The following ADGRL2 variants were observed in gnomAD, a reference collection of about 807,000 sequenced individuals.
The protein encoded by ADGRL2 is adhesion G protein-coupled receptor L2.
ADGRL2 carries 44 observed loss-of-function variants against 157.4 expected under a neutral mutation model. The observed-to-expected ratio is 0.28, with a 90% CI of 0.22 to 0.36. The LOEUF (loss-of-function observed/expected upper bound fraction) is 0.36. Among genes scored for constraint, ADGRL2 ranks in the 10% least tolerant of loss-of-function variants. The pLI is 1.00. For synonymous variants in ADGRL2, 585 were observed against 624.7 expected, an observed-to-expected ratio of 0.94 and a Z score of 0.95; for missense variants, 1,510 against 1,768.9, an observed-to-expected ratio of 0.85 and a Z score of 2.63.
chr1:81,514,297 T>C (rs1484901191), intron 2 of ADGRL2, among the ~76,000 whole-genome samples: 4 of 152,138 alleles, frequency 2.6e-5, no homozygotes, highest in Non-Finnish European at 5.9e-5. Flanking sequence ...TCAGAGATTA[T>C]GTGGGGTAGT....
At chr1:81,348,193 C>T (rs1662617568) in intron 1 of ADGRL2, among the ~76,000 whole-genome samples, 1 of 152,076 alleles carries the variant, frequency 6.6e-6, no homozygotes, top group Non-Finnish European at 1.5e-5. Flanking sequence ...AGAGGATTAC[C>T]CCCAAGCCTT....
chr1:81,509,372 TAA>T (rs113097084), intron 2 of ADGRL2, among the ~76,000 whole-genome samples: 1 of 144,530 alleles, frequency 6.9e-6, no homozygotes, highest in Non-Finnish European at 1.5e-5. Flanking sequence ...AGTGATATGG[TAA>T]AAAAAAAAAA....
chr1:81,850,665 A>G (rs116163808), intron 2 of ADGRL2, among the ~76,000 whole-genome samples: 1 of 151,888 alleles, frequency 6.6e-6, no homozygotes, highest in Non-Finnish European at 1.5e-5. Flanking sequence ...TTCTAATCTA[A>G]ACAGGAATCC....
chr1:81,421,278 G>A (rs1307136041), intron 1 of ADGRL2, among the ~76,000 whole-genome samples: 3 of 152,072 alleles, frequency 2.0e-5, no homozygotes, highest in Non-Finnish European at 4.4e-5. Context: ...TTTTACTATT[G>A]ATCCTCATCT....
chr1:81,750,120 G>C (rs1571066642), intron 1 of ADGRL2, among the ~76,000 whole-genome samples: 1 of 152,174 alleles, frequency 6.6e-6, no homozygotes, highest in East Asian at 1.9e-4. Context: ...TAGCAGACAA[G>C]CTTTTTCAAA....
At chr1:81,758,638 G>A (rs1246624482) in intron 1 of ADGRL2, among the ~76,000 whole-genome samples, 5 of 152,248 alleles carry the variant, frequency 3.3e-5, no homozygotes, top group East Asian at 1.9e-4. Flanking sequence ...AATCTGTGGC[G>A]TGGTTCTATC....
chr1:81,363,150 T>C (rs1557629072), intron 1 of ADGRL2, among the ~76,000 whole-genome samples: 3 of 152,012 alleles, frequency 2.0e-5, no homozygotes, highest in African/African-American at 7.2e-5. Context: ...ATTAGTCACA[T>C]AAAAAAAGTT....
intron 10 of ADGRL2, among the ~76,000 whole-genome samples, chr1:81,954,055 C>CT (rs1652686853): frequency 6.6e-6 from 1 of 152,044 alleles, no homozygotes; most frequent in African/African-American, 2.4e-5. Flanking sequence ...TGAAAGTCCC[C>CT]TTTTAGCCTG....
chr1:81,486,109 T>C (rs536730063), intron 2 of ADGRL2, among the ~76,000 whole-genome samples: 12 of 152,268 alleles, frequency 7.9e-5, no homozygotes, highest in African/African-American at 2.9e-4. Flanking sequence ...GTAAGAGGAG[T>C]TTGGTTTTCA....
chr1:81,865,241 G>T (rs2093506497), intron 2 of ADGRL2, among the ~76,000 whole-genome samples: 1 of 152,132 alleles, frequency 6.6e-6, no homozygotes, highest in Admixed American at 6.6e-5. Context: ...TGTTGACAAA[G>T]CTAGTTGTGA....
intron 1 of ADGRL2, among the ~76,000 whole-genome samples, chr1:81,827,318 T>A (rs1166580609): frequency 6.6e-6 from 1 of 152,088 alleles, no homozygotes; most frequent in Non-Finnish European, 1.5e-5. Context: ...ATTTCAAGAG[T>A]TTGAAGCCAC....
At chr1:81,698,525 A>G (rs2083491205), upstream of ADGRL2, among the ~76,000 whole-genome samples, 1 of 152,306 alleles carries the variant, frequency 6.6e-6, no homozygotes, top group East Asian at 1.9e-4. Flanking sequence ...CAAAGGCAAT[A>G]TTTTGTAAGA....
At chr1:81,791,345 G>C (rs982996160) in intron 2 of ADGRL2, among the ~76,000 whole-genome samples, 4 of 152,078 alleles carry the variant, frequency 2.6e-5, no homozygotes, top group Admixed American at 6.6e-5. Flanking sequence ...TGGGTAATTG[G>C]TACAAAATGG....
intron 3 of ADGRL2, among the ~76,000 whole-genome samples, chr1:81,598,752 G>A (rs934022758): frequency 6.6e-6 from 1 of 152,208 alleles, no homozygotes; most frequent in African/African-American, 2.4e-5. Flanking sequence ...CACATCAGTG[G>A]CACTCACGCC....
At chr1:81,746,646 T>A (rs2085255469) in intron 1 of ADGRL2, among the ~76,000 whole-genome samples, 1 of 152,144 alleles carries the variant, frequency 6.6e-6, no homozygotes, top group Admixed American at 6.5e-5. Flanking sequence ...CCTCTGAGAA[T>A]GAATTAGAAA....
chr1:81,964,707 G>A (rs1418084586), intron 11 of ADGRL2, among the ~76,000 whole-genome samples: 3 of 152,060 alleles, frequency 2.0e-5, no homozygotes, highest in African/African-American at 4.8e-5. Context: ...AAAGGGGATT[G>A]TAGGTGAATA....
At chr1:81,989,524 T>C (rs752125990) in intron 23 of ADGRL2, 4 of 629,638 alleles carry the variant, frequency 6.4e-6, no homozygotes, top group Non-Finnish European at 1.1e-5. Flanking sequence ...ATAATAAATA[T>C]TAAATGAAAA....
At chr1:81,699,582 A>G (rs1210135176), upstream of ADGRL2, among the ~76,000 whole-genome samples, 1 of 152,208 alleles carries the variant, frequency 6.6e-6, no homozygotes, top group African/African-American at 2.4e-5. Flanking sequence ...AACTTTTAAA[A>G]TGTACCTGGC....
chr1:81,334,892 G>C (rs1661523496), intron 1 of ADGRL2, among the ~76,000 whole-genome samples: 2 of 152,160 alleles, frequency 1.3e-5, no homozygotes, highest in Admixed American at 6.6e-5. Flanking sequence ...GCAGGGAAAA[G>C]TGTTTTCAGG....
Sources: gnomAD v4.1 joint callset for allele counts (sites outside exome capture counted in the v4.1 genomes callset) on GRCh38, gnomAD v4.1.1 for gene constraint, MANE v1.5 for transcripts, NCBI Gene and HGNC (gene_info 2026-07-23, HGNC 2026-07-21) for gene names.